Variants in MMS19 observed in about 807,000 individuals in gnomAD.
MMS19 encodes the protein MMS19 nucleotide excision repair protein homolog.
In MMS19, 77 loss-of-function variants were observed where a neutral mutation model predicts 129.8. The ratio of observed to expected loss-of-function variants is 0.59; its 90% CI spans 0.49 to 0.72. The LOEUF (loss-of-function observed/expected upper bound fraction) is 0.72, where lower values mean the gene tolerates loss of function less well. MMS19 is among the 30% of genes least tolerant of loss of function. The probability of loss-of-function intolerance (pLI) is 0.00; values close to 1 mark genes in which losing one functional copy is unlikely to be tolerated. For synonymous variants in MMS19, 491 were observed against 502.8 expected (o/e 0.98, Z 0.31); for missense variants, 1,168 against 1,266.3 (o/e 0.92, Z 1.18).
chr10:97,461,245 A>G, intron 23 of MMS19: 1 of 607,554 alleles, frequency 1.6e-6, no homozygotes, highest in Non-Finnish European at 2.9e-6. Flanking sequence ...TATCCACACT[A>G]GCCCCACTGT....
chr10:97,459,533 G>T lies in MMS19; in HGVS notation c.2740-7C>A. The T allele has an allele frequency of 6.2e-7, 1 of 1,611,598 alleles. No homozygotes were observed. The highest frequency in any genetic ancestry group is 2.2e-5 in the East Asian group (1 of 44,790). ...CCAGCAGCAAGGAAAGAAGCTAAGGGGCAATGGGCAAGGTAGGGGATGGCC... is the reference window on the plus strand; with the variant it reads ...CCAGCAGCAAGGAAAGAAGCTAAGGTGCAATGGGCAAGGTAGGGGATGGCC... On this transcript the variant is annotated splice_region_variant and splice_polypyrimidine_tract_variant and intron_variant, in intron 27 of 30. Transcript: ENST00000438925.
chr10:97,468,890 TGA>T, intron 12 of MMS19, 74 bp downstream of exon 12: 1 of 1,487,972 alleles, frequency 6.7e-7, no homozygotes, highest in East Asian at 2.5e-5. Flanking sequence ...ATTACAGGCG[TGA>T]GCCACCGCAC....
intron 2 of MMS19, among the ~76,000 whole-genome samples, chr10:97,482,728 G>GTA (rs368625323): frequency 0.034 from 4,596 of 133,266 alleles, 241 homozygotes; most frequent in African/African-American, 0.1. Flanking sequence ...GTGTGTGTGT[G>GTA]TATATATATA....
chr10:97,477,451 C>A (rs60010839), intron 5 of MMS19, 35 bp from the exon 6 acceptor site: 3 of 1,613,684 alleles, frequency 1.9e-6, no homozygotes, highest in Admixed American at 1.7e-5. Context: ...GAAGAAAATG[C>A]TCAAAGAATA....
chr10:97,460,592 A>G lies in MMS19; in HGVS notation c.2469+103T>C, dbSNP rs555851065. On this transcript the variant is annotated intron_variant, in intron 25 of 30. Transcript: ENST00000438925. ...GTCTCCAAAAAGAAAAAAGAAAAGA[A>G]AACAAAAAACACACAGGGGAGGATG... The G allele has an allele frequency of 7.8e-6, 8 of 1,027,218 alleles. No individual in the cohort carries two copies. The South Asian group carries it at 8.5e-5, about 11-fold the overall frequency. 63.6% of individuals were successfully genotyped at this position (1,027,218 alleles called of 1,614,324 possible).
intron 1 of MMS19, among the ~76,000 whole-genome samples, chr10:97,497,035 G>T (rs866200315): frequency 6.6e-6 from 1 of 152,202 alleles, no homozygotes; most frequent in Non-Finnish European, 1.5e-5. Flanking sequence ...CACTGTACTT[G>T]TAAATTGTAA....
upstream of MMS19, chr10:97,498,486 C>A: frequency 1.3e-6 from 2 of 1,488,226 alleles, no homozygotes; most frequent in Non-Finnish European, 1.8e-6. Context: ...CGCAAGGGGG[C>A]GGGGCGCCGG....
At chr10:97,476,792 C>T (rs2135399651) in intron 7 of MMS19, 43 bp downstream of exon 7, 1 of 1,613,832 alleles carries the variant, frequency 6.2e-7, no homozygotes, top group African/African-American at 1.3e-5. Flanking sequence ...CTTCACTCAT[C>T]TGATAAAGCT....
Position 97,476,815 on chromosome 10 carries a change from T to C in MMS19, c.622+20A>G, listed in dbSNP as rs984532363. The C allele has an allele frequency of 1.2e-6, 2 of 1,613,936 alleles. No individual in the cohort carries two copies. Among genetic ancestry groups the C allele is most frequent in the Admixed American group, 1.7e-5 (1 of 60,008 alleles). On this transcript the variant is annotated intron_variant, in intron 7 of 30. Coordinates refer to ENST00000438925, the MANE Select transcript of MMS19 (RefSeq NM_022362.5). ...ATCTGATAAAGCTCCAATGAGCTAA[T>C]CATGGCTACCACGATATACCCAGGC...
chr10:97,468,416 C>G lies in MMS19; in HGVS notation c.1064-10G>C, dbSNP rs549453594. ...AGGTGGTGCCTGCAGTCTAGAGAAG[C>G]AGCACATCACAGAGCTGGGGAGGAG... On this transcript the variant is annotated splice_polypyrimidine_tract_variant and intron_variant, in intron 12 of 30. Coordinates refer to ENST00000438925, the MANE Select transcript of MMS19 (RefSeq NM_022362.5). The G allele has an allele frequency of 1.3e-6, 2 of 1,591,576 alleles. No homozygotes were observed. Among genetic ancestry groups the G allele is most frequent in the South Asian group, 1.1e-5 (1 of 88,838 alleles).
chr10:97,465,677 G>A, intron 18 of MMS19, 128 bp downstream of exon 18: 1 of 911,492 alleles, frequency 1.1e-6, no homozygotes, highest in African/African-American at 1.7e-5. Context: ...GCAGGCATCA[G>A]TATTTTTTTT....
chr10:97,470,433 A>G (rs1363788262), intron 9 of MMS19, among the ~76,000 whole-genome samples: 1 of 152,196 alleles, frequency 6.6e-6, no homozygotes, highest in African/African-American at 2.4e-5. Context: ...AGACAGCACC[A>G]TATAGGGATT....
intron 3 of MMS19, 23 bp downstream of exon 3, chr10:97,480,919 A>C (rs1355444820): frequency 1.3e-6 from 2 of 1,527,072 alleles, no homozygotes; most frequent in Non-Finnish European, 1.8e-6. Flanking sequence ...CCAGGAAGAC[A>C]TTCCTATTAG....
intron 1 of MMS19, among the ~76,000 whole-genome samples, chr10:97,489,845 C>G (rs551435644): frequency 6.6e-6 from 1 of 152,286 alleles, no homozygotes; most frequent in South Asian, 2.1e-4. Context: ...AAGAATATCA[C>G]AGAGGTGAAG....
chr10:97,498,733 A>AG, upstream of MMS19: 1 of 324,930 alleles, frequency 3.1e-6, no homozygotes, highest in Non-Finnish European at 5.7e-6. Flanking sequence ...GCCCAGCCCT[A>AG]GGGGGCGGTG....
At chr10:97,476,801 C>G (rs1290095901) in intron 7 of MMS19, 34 bp downstream of exon 7, 1 of 1,613,694 alleles carries the variant, frequency 6.2e-7, no homozygotes. Flanking sequence ...TCTGATAAAG[C>G]TCCAATGAGC....
chr10:97,466,946 C>G, intron 14 of MMS19, 45 bp from the exon 15 acceptor site: 1 of 1,610,782 alleles, frequency 6.2e-7, no homozygotes, highest in Non-Finnish European at 8.5e-7. Context: ...CCACTGCATT[C>G]CATATCCCTG....
At chr10:97,488,678 A>C (rs940958091) in intron 1 of MMS19, among the ~76,000 whole-genome samples, 4 of 152,244 alleles carry the variant, frequency 2.6e-5, no homozygotes, top group African/African-American at 9.6e-5. Context: ...AATGACAGGA[A>C]AAAAGTCTAT....
chr10:97,464,132 TA>T, intron 18 of MMS19, 119 bp from the exon 19 acceptor site: 1 of 872,180 alleles, frequency 1.1e-6, no homozygotes, highest in Non-Finnish European at 1.7e-6. Flanking sequence ...AGTGCCTTAT[TA>T]AAAAGCTGAG....
Sources: gnomAD v4.1 joint callset for allele counts (sites outside exome capture counted in the v4.1 genomes callset) on GRCh38, gnomAD v4.1.1 for gene constraint, MANE v1.5 for transcripts, NCBI Gene and HGNC (gene_info 2026-07-23, HGNC 2026-07-21) for gene names.